Variants in TSPAN9 observed in about 807,000 individuals in gnomAD.
TSPAN9 encodes the protein tetraspanin-9.
In TSPAN9, 16 loss-of-function variants were observed where a neutral mutation model predicts 31.0. The observed-to-expected ratio is 0.52, with a 90% confidence interval of 0.35 to 0.78. The LOEUF (loss-of-function observed/expected upper bound fraction) is 0.78. Ranked by LOEUF, TSPAN9 falls within the 30% of genes least tolerant of loss-of-function variation. The probability of loss-of-function intolerance (pLI) is 0.01; values close to 1 mark genes in which losing one functional copy is unlikely to be tolerated. For missense variants in TSPAN9, 272 were observed against 312.5 expected (o/e 0.87, Z 0.98); for synonymous variants, 145 against 121.6 (o/e 1.19, Z -1.27).
At chr12:3,267,701 C>T (rs746637682) in intron 3 of TSPAN9, among the ~76,000 whole-genome samples, 18 of 152,240 alleles carry the variant, frequency 1.2e-4, no homozygotes, top group Non-Finnish European at 2.4e-4. Flanking sequence ...TTCTCAGACC[C>T]GTCTGACAAG....
In TSPAN9 at chr12:3,187,394, G is replaced by T. The variant is rs2098361977; in HGVS notation, c.-17-13783G>T. On this transcript the variant is annotated intron_variant, in intron 2 of 8. Transcript: ENST00000011898. The surrounding 1 kb of genome is among the most constrained non-coding windows in gnomAD (Gnocchi z 5.2). ...TTCCTCTGCCTGCCTTTGTGCAGGTGGCATGGGTACGTGTATGTCCAGGAG... is the reference window on the plus strand; with the variant it reads ...TTCCTCTGCCTGCCTTTGTGCAGGTTGCATGGGTACGTGTATGTCCAGGAG... Among the ~76,000 whole-genome samples, 1 of 152,176 alleles carries T rather than the reference G, an allele frequency of 6.6e-6. No homozygotes were observed. The highest frequency in any genetic ancestry group is 2.1e-4 in the South Asian group (1 of 4,820).
chr12:3,271,867 A>G (rs1472691470), intron 3 of TSPAN9, among the ~76,000 whole-genome samples: 1 of 152,086 alleles, frequency 6.6e-6, no homozygotes, highest in Non-Finnish European at 1.5e-5. Context: ...GCACCGATGT[A>G]TTGTCTCTGC....
At chr12:3,235,406 C>G (rs2098393273) in intron 3 of TSPAN9, among the ~76,000 whole-genome samples, 1 of 150,644 alleles carries the variant, frequency 6.6e-6, no homozygotes, top group Non-Finnish European at 1.5e-5. Context: ...ATTTTCCTTA[C>G]TTTTTGGGTG....
chr12:3,146,298 G>T (rs936905731), intron 2 of TSPAN9, among the ~76,000 whole-genome samples: 1 of 152,206 alleles, frequency 6.6e-6, no homozygotes, highest in South Asian at 2.1e-4. Flanking sequence ...AGCTTCCCCT[G>T]GGTGTCTCAA....
At chr12:3,089,489 G>C (rs1237848825) in intron 2 of TSPAN9, among the ~76,000 whole-genome samples, 2 of 151,694 alleles carry the variant, frequency 1.3e-5, no homozygotes, top group Admixed American at 6.6e-5. Context: ...TAGAGACGGG[G>C]TTTTACCGTG....
chr12:3,232,290 G>A (rs1438185639), intron 3 of TSPAN9, among the ~76,000 whole-genome samples: 1 of 151,134 alleles, frequency 6.6e-6, no homozygotes, highest in East Asian at 1.9e-4. Flanking sequence ...TTTTCCTACA[G>A]TGAGATATGT....
Position 3,280,827 on chromosome 12 carries a change from C to T in TSPAN9, c.432+344C>T, listed in dbSNP as rs1298126822. ...TCTAGGAGGAGAACAAGTCCATAGT[C>T]CCAGATGCTCCCATTTTAAGCCCTG... On this transcript the variant is annotated intron_variant, in intron 6 of 8. Transcript: ENST00000011898. This position sits in a 1 kb window ranked among gnomAD's most constrained non-coding sequence, Gnocchi z 4.5. 6.6e-6 allele frequency among the ~76,000 whole-genome samples: 1 copy of T among 152,158 alleles called. No individual in the cohort carries two copies. Among genetic ancestry groups the T allele is most frequent in the Non-Finnish European group, 1.5e-5 (1 of 68,032 alleles).
At chr12:3,264,211 C>G (rs1862502055) in intron 3 of TSPAN9, among the ~76,000 whole-genome samples, 1 of 152,110 alleles carries the variant, frequency 6.6e-6, no homozygotes, top group South Asian at 2.1e-4. Context: ...CAATCCTCCC[C>G]CTGTCTGAGA....
At chr12:3,201,320 A>T in intron 3 of TSPAN9, 64 bp downstream of exon 3, 1 of 1,434,462 alleles carries the variant, frequency 7.0e-7, no homozygotes, top group Non-Finnish European at 9.8e-7. Flanking sequence ...CCATAGCGTG[A>T]ATACCCTCTC....
intron 3 of TSPAN9, among the ~76,000 whole-genome samples, chr12:3,215,745 C>G (rs893339240): frequency 1.3e-5 from 2 of 152,210 alleles, no homozygotes; most frequent in African/African-American, 4.8e-5. Flanking sequence ...TTCCCTCCAG[C>G]TGCCATTTGC....
At chr12:3,171,284 G>C (rs1168903486) in intron 2 of TSPAN9, among the ~76,000 whole-genome samples, 1 of 152,014 alleles carries the variant, frequency 6.6e-6, no homozygotes, top group African/African-American at 2.4e-5. Flanking sequence ...AGCTATAGGA[G>C]GGCTTGTTTG....
At chr12:3,185,317 C>T (rs965611284) in intron 2 of TSPAN9, among the ~76,000 whole-genome samples, 1 of 152,160 alleles carries the variant, frequency 6.6e-6, no homozygotes, top group African/African-American at 2.4e-5. Flanking sequence ...GTTGTTAGCA[C>T]TTGGAAGATG....
intron 2 of TSPAN9, among the ~76,000 whole-genome samples, chr12:3,189,146 G>A (rs2098363033): frequency 6.6e-6 from 1 of 152,172 alleles, no homozygotes; most frequent in African/African-American, 2.4e-5. Flanking sequence ...TTCATTTTGG[G>A]GGATCTTTCT....
At chr12:3,177,328 G>A (rs146974469) in intron 2 of TSPAN9, among the ~76,000 whole-genome samples, 5,230 of 151,812 alleles carry the variant, frequency 0.034, 126 homozygotes, top group East Asian at 0.1. Flanking sequence ...TAGTAGAGAC[G>A]GGGTTTCACT....
intron 3 of TSPAN9, among the ~76,000 whole-genome samples, chr12:3,240,368 A>G (rs893920222): frequency 9.2e-5 from 14 of 152,086 alleles, no homozygotes; most frequent in African/African-American, 2.9e-4. Flanking sequence ...ATGGTCCTTG[A>G]GGCGTGCTCA....
chr12:3,280,503 G>C lies in TSPAN9; in HGVS notation c.432+20G>C. Reference sequence around the variant, plus strand: ...GCTGAGGTGCGGGCTGGGCCGCCCTGGTGGGGCCAGGCAGGGAGGAGGGGT... The same window carrying C: ...GCTGAGGTGCGGGCTGGGCCGCCCTCGTGGGGCCAGGCAGGGAGGAGGGGT... On this transcript the variant is annotated intron_variant, in intron 6 of 8. Coordinates refer to ENST00000011898, the MANE Select transcript of TSPAN9 (RefSeq NM_006675.5). The surrounding 1 kb of genome is among the most constrained non-coding windows in gnomAD (Gnocchi z 4.5). 1.2e-6 allele frequency: 2 copies of C among 1,605,532 alleles called. No individual in the cohort carries two copies. The highest frequency in any genetic ancestry group is 1.7e-6 in the Non-Finnish European group (2 of 1,177,486).
chr12:3,184,837 G>A (rs1171190535), intron 2 of TSPAN9, among the ~76,000 whole-genome samples: 1 of 152,198 alleles, frequency 6.6e-6, no homozygotes, highest in Non-Finnish European at 1.5e-5. Context: ...GCAGAGCAGG[G>A]TTGGAACAGG....
At chr12:3,259,421 A>G (rs1476857267) in intron 3 of TSPAN9, among the ~76,000 whole-genome samples, 2 of 152,032 alleles carry the variant, frequency 1.3e-5, no homozygotes, top group African/African-American at 4.8e-5. Flanking sequence ...CCCTCCCTCC[A>G]TCCCTCCTTC....
At chr12:3,178,414 C>T (rs2098357073) in intron 2 of TSPAN9, among the ~76,000 whole-genome samples, 1 of 152,110 alleles carries the variant, frequency 6.6e-6, no homozygotes, top group African/African-American at 2.4e-5. Context: ...CCTTAGCCTC[C>T]CGAGTAGCTG....
Sources: allele counts gnomAD v4.1 joint callset (sites outside exome capture counted in the v4.1 genomes callset), GRCh38; gene constraint gnomAD v4.1.1; non-coding constraint Gnocchi (gnomAD v3.1); transcripts MANE v1.5; gene names NCBI Gene and HGNC (gene_info 2026-07-23, HGNC 2026-07-21).